The following SH3PXD2A variants were observed in gnomAD, a reference collection of about 807,000 sequenced individuals.
SH3PXD2A encodes the protein SH3 and PX domain-containing protein 2A.
SH3PXD2A carries 32 observed loss-of-function variants against 115.2 expected under a neutral mutation model. The ratio of observed to expected loss-of-function variants is 0.28; its 90% CI spans 0.21 to 0.37. The LOEUF (loss-of-function observed/expected upper bound fraction) is 0.37. SH3PXD2A is among the 10% of genes least tolerant of loss of function. The probability of loss-of-function intolerance (pLI) is 1.00; values close to 1 mark genes in which losing one functional copy is unlikely to be tolerated. For missense variants in SH3PXD2A, 1,328 were observed against 1,498.7 expected (o/e 0.89, Z 1.88); for synonymous variants, 610 against 629.1 (o/e 0.97, Z 0.45).
chr10:103,741,284 T>A (rs1197018903), intron 3 of SH3PXD2A, among the ~76,000 whole-genome samples: 1 of 151,708 alleles, frequency 6.6e-6, no homozygotes, highest in Non-Finnish European at 1.5e-5. Context: ...CAGAAAAGAG[T>A]TTGGTTTTAT....
intron 5 of SH3PXD2A, chr10:103,693,694 C>T (rs2295590): frequency 0.13 from 20,291 of 152,350 alleles, 1,682 homozygotes; most frequent in East Asian, 0.32. Context: ...GCTGCTTCCT[C>T]TCACTGCACG....
intron 5 of SH3PXD2A, among the ~76,000 whole-genome samples, chr10:103,702,182 A>T (rs969615747): frequency 2.0e-5 from 3 of 152,112 alleles, no homozygotes; most frequent in African/African-American, 7.2e-5. Context: ...CCATCCATCC[A>T]TCATTCATCC....
chr10:103,636,125 G>A (rs1184330169), intron 8 of SH3PXD2A, among the ~76,000 whole-genome samples: 1 of 152,122 alleles, frequency 6.6e-6, no homozygotes, highest in African/African-American at 2.4e-5. Flanking sequence ...GAGTAGAGAT[G>A]AAGCTGGGCG....
At chr10:103,635,594 ACC>A in intron 8 of SH3PXD2A, among the ~76,000 whole-genome samples, 1 of 152,110 alleles carries the variant, frequency 6.6e-6, no homozygotes, top group South Asian at 2.1e-4. Flanking sequence ...CTGAGAGAGG[ACC>A]CCAGGTACAC....
intron 8 of SH3PXD2A, among the ~76,000 whole-genome samples, chr10:103,654,819 TC>T (rs2037184553): frequency 6.6e-6 from 1 of 151,930 alleles, no homozygotes; most frequent in African/African-American, 2.4e-5. Context: ...CCAAGAAACT[TC>T]CCCAGGATCA....
intron 2 of SH3PXD2A, among the ~76,000 whole-genome samples, chr10:103,774,747 T>C (rs112481970): frequency 1.7e-4 from 26 of 152,326 alleles, no homozygotes; most frequent in African/African-American, 6.3e-4. Flanking sequence ...GGGGGATCTA[T>C]GGAAAGTCCT....
At chr10:103,696,303 G>A (rs1431236719) in intron 5 of SH3PXD2A, among the ~76,000 whole-genome samples, 1 of 152,318 alleles carries the variant, frequency 6.6e-6, no homozygotes, top group South Asian at 2.1e-4. Flanking sequence ...TTTAGCTGCT[G>A]AATAGGGTGA....
chr10:103,630,759 A>G (rs2036767348), intron 8 of SH3PXD2A, among the ~76,000 whole-genome samples: 1 of 151,352 alleles, frequency 6.6e-6, no homozygotes, highest in African/African-American at 2.4e-5. Context: ...AAAAAAAAAA[A>G]AAAAAAGGAA....
intron 8 of SH3PXD2A, among the ~76,000 whole-genome samples, chr10:103,649,460 G>A (rs1276805252): frequency 6.6e-6 from 1 of 152,204 alleles, no homozygotes; most frequent in Admixed American, 6.5e-5. Context: ...GACACTCTGA[G>A]CACCATGCCA....
intron 1 of SH3PXD2A, among the ~76,000 whole-genome samples, chr10:103,846,444 T>C (rs553162486): frequency 3.9e-5 from 6 of 152,234 alleles, no homozygotes; most frequent in African/African-American, 1.4e-4. Context: ...ACTCTGTCTA[T>C]GAGGCTTCTC....
At chr10:103,715,550 C>G (rs1442814551) in intron 5 of SH3PXD2A, among the ~76,000 whole-genome samples, 1 of 152,186 alleles carries the variant, frequency 6.6e-6, no homozygotes, top group Non-Finnish European at 1.5e-5. Flanking sequence ...GTGTATGACT[C>G]AGTGCCCAGT....
chr10:103,752,580 C>T (rs1395534950), intron 3 of SH3PXD2A, among the ~76,000 whole-genome samples: 1 of 152,202 alleles, frequency 6.6e-6, no homozygotes, highest in African/African-American at 2.4e-5. Flanking sequence ...GACAGCAAAG[C>T]AGACCCCAGG....
rs752754326 is a variant in SH3PXD2A, at chr10:103,595,550, A to G, written c.*6266T>C. ...TGCTCGAGCCATCCTTTTGTTCTAA[A>G]TAATTCTTCCTCCCTCCCTCCCTTT... On this transcript the variant is annotated 3_prime_UTR_variant, in exon 15 of 15. Transcript: ENST00000369774. 3 of 152,222 alleles carry G rather than the reference A, an allele frequency of 2.0e-5. No homozygotes were observed. The highest frequency in any genetic ancestry group is 4.4e-5 in the Non-Finnish European group (3 of 68,064). 9.4% of individuals were successfully genotyped at this position (152,222 alleles called of 1,614,324 possible).
intron 2 of SH3PXD2A, among the ~76,000 whole-genome samples, chr10:103,787,449 T>TCTCTTCTGTCTTGGTCCCCACC (rs1491278812): frequency 1.8e-4 from 28 of 152,334 alleles, no homozygotes; most frequent in African/African-American, 6.7e-4. Context: ...CTGGCCCCAG[T>TCTCTTCTGTCTTGGTCCCCACC]CTCTTCTGTC....
intron 1 of SH3PXD2A, among the ~76,000 whole-genome samples, chr10:103,850,491 G>C (rs562855668): frequency 6.6e-6 from 1 of 152,184 alleles, no homozygotes; most frequent in Non-Finnish European, 1.5e-5. Flanking sequence ...GGGACAGAGA[G>C]AGCAGGCAAG....
At chr10:103,672,886 T>C (rs2037482612) in intron 6 of SH3PXD2A, among the ~76,000 whole-genome samples, 1 of 152,220 alleles carries the variant, frequency 6.6e-6, no homozygotes. Context: ...CTCATGTCCC[T>C]GCCATGGCTG....
At chr10:103,800,389 C>G (rs1002731377) in intron 2 of SH3PXD2A, among the ~76,000 whole-genome samples, 1 of 152,206 alleles carries the variant, frequency 6.6e-6, no homozygotes, top group Non-Finnish European at 1.5e-5. Context: ...AATTTCCCCT[C>G]TGTTGGGAGC....
At chr10:103,775,927 C>T (rs931567577) in intron 2 of SH3PXD2A, among the ~76,000 whole-genome samples, 3 of 152,122 alleles carry the variant, frequency 2.0e-5, no homozygotes, top group African/African-American at 4.8e-5. Context: ...GATGCCTGCT[C>T]GATAATAACA....
At chr10:103,702,053 TCCA>T (rs2037919582) in intron 5 of SH3PXD2A, among the ~76,000 whole-genome samples, 1 of 147,328 alleles carries the variant, frequency 6.8e-6, no homozygotes, top group Non-Finnish European at 1.5e-5. Flanking sequence ...CATCTATCCA[TCCA>T]CCATCATCCA....
Sources: gnomAD v4.1 joint callset for allele counts (sites outside exome capture counted in the v4.1 genomes callset) on GRCh38, gnomAD v4.1.1 for gene constraint, MANE v1.5 for transcripts, NCBI Gene and HGNC (gene_info 2026-07-23, HGNC 2026-07-21) for gene names.